Variants in B4GALT6 observed in about 807,000 individuals in gnomAD.
The protein encoded by B4GALT6 is UDP-Gal:beta-GlcNAc beta-1,4-galactosyltransferase 6.
B4GALT6 carries 14 observed loss-of-function variants against 46.3 expected under a neutral mutation model. The ratio of observed to expected loss-of-function variants is 0.30; its 90% CI spans 0.20 to 0.47. The LOEUF is 0.47. Ranked by LOEUF, B4GALT6 falls within the 20% of genes least tolerant of loss-of-function variation. B4GALT6 has a pLI of 0.99. For synonymous variants in B4GALT6, 168 were observed against 162.0 expected (o/e 1.04, Z -0.28); for missense variants, 386 against 480.1 (o/e 0.80, Z 1.83).
chr18:31,626,418 G>A, intron 7 of B4GALT6, 34 bp from the exon 8 acceptor site: 1 of 1,197,316 alleles, frequency 8.4e-7, no homozygotes, highest in Non-Finnish European at 1.2e-6. Context: ...AAAATATAGA[G>A]AAATAAAATA....
intron 3 of B4GALT6, among the ~76,000 whole-genome samples, chr18:31,650,793 G>C (rs1037892803): frequency 1.3e-5 from 2 of 151,874 alleles, no homozygotes; most frequent in Non-Finnish European, 2.9e-5. Context: ...TTTTGAGACG[G>C]AGTCTCGCTC....
At chr18:31,658,696 C>T (rs1782525766) in intron 2 of B4GALT6, among the ~76,000 whole-genome samples, 1 of 152,150 alleles carries the variant, frequency 6.6e-6, no homozygotes. Context: ...ATACAGGGCA[C>T]CAAAGTCAAA....
At chr18:31,629,603 A>C (rs1442417462) in intron 6 of B4GALT6, among the ~76,000 whole-genome samples, 4 of 150,876 alleles carry the variant, frequency 2.7e-5, no homozygotes, top group Admixed American at 2.6e-4. Context: ...TAATCCCAGC[A>C]CTTTGGGAGG....
chr18:31,684,735 G>C (rs1456290336), upstream of B4GALT6: 1 of 1,115,358 alleles, frequency 9.0e-7, no homozygotes, highest in Admixed American at 3.9e-5. Flanking sequence ...GAAGGGCGAG[G>C]AGGAGCGTTT....
In B4GALT6 at chr18:31,631,108, A is replaced by G. The variant is rs746887661; in HGVS notation, c.627T>C (p.Asn209=). The change falls in exon 6 of 9, where the codon AAT becomes AAC. Residue 209 remains asparagine, a synonymous_variant. Coordinates refer to ENST00000306851, the MANE Select transcript of B4GALT6 (RefSeq NM_004775.5). The part of the protein sequence containing the change: ...TQPFNRAMLF[N]VGFKEAMKDS... ...CTTTCATGGCCTCTTTGAAGCCCAC[A>G]TTGAAAAGCATCGCACGGTTAAAAG... The G allele has an allele frequency of 1.5e-5, 25 of 1,613,884 alleles. No individual in the cohort carries two copies. Among genetic ancestry groups the G allele is most frequent in the Middle Eastern group, 1.6e-4 (1 of 6,084 alleles).
chr18:31,676,243 C>G (rs1233237278), intron 1 of B4GALT6, among the ~76,000 whole-genome samples: 1 of 151,946 alleles, frequency 6.6e-6, no homozygotes, highest in Non-Finnish European at 1.5e-5. Context: ...ACACTTGCCT[C>G]AAATATATAA....
chr18:31,713,513 GAA>G, the B4GALT6 span, among the ~76,000 whole-genome samples: 8 of 152,152 alleles, frequency 5.3e-5, no homozygotes, highest in Non-Finnish European at 1.0e-4. Flanking sequence ...TCTGAGAGGT[GAA>G]GGGACTTGCC....
intron 2 of B4GALT6, among the ~76,000 whole-genome samples, chr18:31,662,840 C>CA (rs1298796329): frequency 0.011 from 1,640 of 144,920 alleles, 23 homozygotes; most frequent in African/African-American, 0.039. Flanking sequence ...GACTCTGTCT[C>CA]AAAAAAAAAC....
chr18:31,659,570 A>G (rs1320123140), intron 2 of B4GALT6, among the ~76,000 whole-genome samples: 1 of 152,082 alleles, frequency 6.6e-6, no homozygotes, highest in Non-Finnish European at 1.5e-5. Context: ...GTGCTTGGAA[A>G]CCCCAGTTAC....
At chr18:31,676,101 A>T (rs986550236) in intron 1 of B4GALT6, among the ~76,000 whole-genome samples, 1 of 152,194 alleles carries the variant, frequency 6.6e-6, no homozygotes, top group Non-Finnish European at 1.5e-5. Flanking sequence ...TTCAAATGAA[A>T]ATAATGTCCA....
upstream of B4GALT6, among the ~76,000 whole-genome samples, chr18:31,688,042 G>C (rs1369727895): frequency 2.0e-5 from 3 of 151,992 alleles, no homozygotes; most frequent in Non-Finnish European, 2.9e-5. Flanking sequence ...TAAAGATTCA[G>C]ATCTTCATGT....
At chr18:31,703,041 T>C in the B4GALT6 span, among the ~76,000 whole-genome samples, 227 of 152,346 alleles carry the variant, frequency 1.5e-3, 1 homozygote, top group African/African-American at 5.2e-3. Flanking sequence ...GCATTCTCTT[T>C]TTTACTGTTG....
chr18:31,684,137 C>G (rs1460566381), intron 1 of B4GALT6, among the ~76,000 whole-genome samples, 175 bp downstream of exon 1: 1 of 152,038 alleles, frequency 6.6e-6, no homozygotes, highest in Non-Finnish European at 1.5e-5. Context: ...ACAAAACTCA[C>G]ATACCAAAGC....
At chr18:31,666,115 CA>C in intron 2 of B4GALT6, 140 bp downstream of exon 2, 1 of 511,454 alleles carries the variant, frequency 2.0e-6, no homozygotes, top group East Asian at 3.0e-5. Flanking sequence ...TTGATTTGCA[CA>C]GTAAAATAAT....
intron 2 of B4GALT6, 97 bp from the exon 3 acceptor site, chr18:31,658,186 T>C (rs2074167228): frequency 1.2e-6 from 1 of 822,532 alleles, no homozygotes; most frequent in Non-Finnish European, 2.0e-6. Context: ...AAAACTACAA[T>C]ATACAATCTA....
intron 3 of B4GALT6, among the ~76,000 whole-genome samples, chr18:31,651,480 C>T (rs2074066826): frequency 6.6e-6 from 1 of 152,068 alleles, no homozygotes; most frequent in African/African-American, 2.4e-5. Context: ...TTCCCTATGA[C>T]AACTTTTTAA....
intron 1 of B4GALT6, among the ~76,000 whole-genome samples, chr18:31,668,953 G>A (rs1304782347): frequency 6.6e-6 from 1 of 151,634 alleles, no homozygotes; most frequent in Non-Finnish European, 1.5e-5. Flanking sequence ...AGAGGTTACA[G>A]TGAGCCGAGC....
chr18:31,709,458 T>C, the B4GALT6 span, among the ~76,000 whole-genome samples: 1 of 148,028 alleles, frequency 6.8e-6, no homozygotes, highest in Non-Finnish European at 1.5e-5. Flanking sequence ...TATATATATA[T>C]GGTATATTCT....
chr18:31,707,538 A>G, the B4GALT6 span, among the ~76,000 whole-genome samples: 1 of 152,218 alleles, frequency 6.6e-6, no homozygotes, highest in Admixed American at 6.5e-5. Context: ...TAAGTTAAAC[A>G]TGTGCTATCT....
Sources: gnomAD v4.1 joint callset for allele counts (sites outside exome capture counted in the v4.1 genomes callset) on GRCh38, gnomAD v4.1.1 for gene constraint, MANE v1.5 for transcripts, NCBI Gene and HGNC (gene_info 2026-07-23, HGNC 2026-07-21) for gene names.